The following SDK2 variants were observed in gnomAD, a reference collection of about 807,000 sequenced individuals.
SDK2 encodes sidekick cell adhesion molecule 2, also known as protein sidekick-2.
SDK2 carries 105 observed loss-of-function variants against 253.9 expected under a neutral mutation model. The ratio of observed to expected loss-of-function variants is 0.41; its 90% CI spans 0.35 to 0.49. The LOEUF is 0.49. Ranked by LOEUF, SDK2 falls within the 20% of genes least tolerant of loss-of-function variation. The probability of loss-of-function intolerance (pLI) is 0.06; values close to 1 mark genes in which losing one functional copy is unlikely to be tolerated. For synonymous variants in SDK2, 1,249 were observed against 1,234.9 expected (o/e 1.01, Z -0.24); for missense variants, 2,608 against 3,003.0 (o/e 0.87, Z 3.07).
At chr17:73,376,035 AAC>A (rs2062777620) in intron 36 of SDK2, among the ~76,000 whole-genome samples, 1 of 150,878 alleles carries the variant, frequency 6.6e-6, no homozygotes, top group Non-Finnish European at 1.5e-5. Flanking sequence ...CTCTACTAAA[AAC>A]ACAAAAATTA....
At position 73,643,935 on chromosome 17, in the gene SDK2, G is replaced by T; in HGVS notation, c.64+90C>A. 10 of 1,165,004 alleles carry T rather than the reference G, an allele frequency of 8.6e-6. No homozygotes were observed. Among genetic ancestry groups the T allele is most frequent in the Non-Finnish European group, 1.1e-5 (9 of 804,552 alleles). The allele number at this position is 1,165,004 out of a possible 1,614,324, so 72.2% of individuals were successfully genotyped here. A position where few individuals can be genotyped will look rare whatever the true frequency, so the allele number is the denominator to read the frequency against. ...CCACGGCTAAGCCGGGTGTCCAGGA[G>T]GTCACCGTGAGGCCGGCCAGCTCCC... On this transcript the variant is annotated intron_variant, in intron 1 of 44. Transcript: ENST00000392650. This position sits in a 1 kb window ranked among gnomAD's most constrained non-coding sequence, Gnocchi z 6.9.
Position 73,398,052 on chromosome 17 carries a change from G to A in SDK2, c.3337C>T (p.Leu1113=). 2 of 1,612,578 alleles carry A rather than the reference G, an allele frequency of 1.2e-6. No homozygotes were observed. Among genetic ancestry groups the A allele is most frequent in the Non-Finnish European group, 1.7e-6 (2 of 1,179,880 alleles). Residue 1113 remains leucine, a synonymous_variant, in exon 24 of 45, where the codon CTG becomes TTG. Coordinates refer to ENST00000392650, the MANE Select transcript of SDK2 (RefSeq NM_001144952.2). ...VSLRTASETS[L]WLRWMPLPEM... ...AGCCTTACCATCCAGCGCAGCCACA[G>A]GCTGGTCTCACTGGCTGTGCGCAGA...
Position 73,338,687 on chromosome 17 carries a change from G to C in SDK2, c.6419C>G (p.Pro2140Arg), listed in dbSNP as rs139702398. ...GCTCTGCTGACTTGGGGGGTTAGGG[G>C]GGTTCTGGGGCGTTGGAGTCCGACT... ...KASRTPTPQN[P>R]PNPPSQQSTL... Residue 2140 changes from proline (P) to arginine (R), a missense_variant, in exon 45 of 45, where the codon CCC becomes CGC. Physicochemically the swap from Pro to Arg is moderately radical, Grantham distance 103 (BLOSUM62 -2). Around this residue, in one of 2 missense-constraint regions of SDK2, gnomAD observed 1,103 missense variants for 1,143.9 expected, o/e 0.96. Transcript: ENST00000392650. The surrounding 1 kb of genome is among the most constrained non-coding windows in gnomAD (Gnocchi z 5.0). 2.9e-5 allele frequency: 47 copies of C among 1,600,806 alleles called. No individual in the cohort carries two copies. The highest frequency in any genetic ancestry group is 3.8e-5 in the Non-Finnish European group (45 of 1,173,234).
Position 73,624,623 on chromosome 17 carries a change from A to G in SDK2, c.64+19402T>C, listed in dbSNP as rs904476485. On this transcript the variant is annotated intron_variant, in intron 1 of 44. Coordinates refer to ENST00000392650, the MANE Select transcript of SDK2 (RefSeq NM_001144952.2). ...TTAATGTGCATGCCGCACCTGGGGA[A>G]TCTTAAAATGCAGATTCTGATTCAT... Among the ~76,000 whole-genome samples the G allele has an allele frequency of 6.0e-4, 92 of 152,222 alleles. 1 individual carries two copies. Among genetic ancestry groups the G allele is most frequent in the African/African-American group, 5.8e-4 (24 of 41,470 alleles).
In SDK2 at chr17:73,443,152, T is replaced by C. The variant is rs1038371259; in HGVS notation, c.614-2229A>G. ...GTTCTTTATGGGGTTAGGGGCAGGG[T>C]GCACAGTGGCCCCACTGCCCCTCTG... On this transcript the variant is annotated intron_variant, in intron 5 of 44. Transcript: ENST00000392650. The surrounding 1 kb of genome is among the most constrained non-coding windows in gnomAD (Gnocchi z 4.6). Among the ~76,000 whole-genome samples the C allele has an allele frequency of 2.0e-5, 3 of 152,112 alleles. No homozygotes were observed. The highest frequency in any genetic ancestry group is 7.2e-5 in the African/African-American group (3 of 41,412).
intron 16 of SDK2, among the ~76,000 whole-genome samples, chr17:73,416,667 G>A (rs1022612426): frequency 3.3e-5 from 5 of 152,026 alleles, no homozygotes; most frequent in Admixed American, 6.6e-5. Flanking sequence ...TTGGCTCACT[G>A]CAACCTCCAC....
chr17:73,386,622 C>A, intron 30 of SDK2, 74 bp from the exon 31 acceptor site: 1 of 1,004,782 alleles, frequency 1.0e-6, no homozygotes, highest in East Asian at 2.6e-5. Flanking sequence ...ACCAAGGAGT[C>A]TCCCTGATCT....
chr17:73,358,664 G>C (rs527829444), intron 39 of SDK2, among the ~76,000 whole-genome samples: 2 of 152,070 alleles, frequency 1.3e-5, no homozygotes, highest in Admixed American at 1.3e-4. Flanking sequence ...GAGAGGAGGG[G>C]GTTGGTCGGA....
At chr17:73,524,614 C>G (rs1450138982) in intron 1 of SDK2, among the ~76,000 whole-genome samples, 2 of 152,216 alleles carry the variant, frequency 1.3e-5, no homozygotes, top group African/African-American at 4.8e-5. Context: ...TTCCCAGGAC[C>G]CCTGTCTGCA....
chr17:73,612,121 G>C lies in SDK2; in HGVS notation c.64+31904C>G, dbSNP rs918793403. The stretch of plus-strand genomic sequence containing the variant: ...TAGTTTGCAAACGCATTGAGAACTC[G>C]TTATGAAAATAAACAGCAATTCCTT... On this transcript the variant is annotated intron_variant, in intron 1 of 44. Coordinates refer to ENST00000392650, the MANE Select transcript of SDK2 (RefSeq NM_001144952.2). This position sits in a 1 kb window ranked among gnomAD's most constrained non-coding sequence, Gnocchi z 4.4. Among the ~76,000 whole-genome samples the C allele has an allele frequency of 2.0e-5, 3 of 152,190 alleles. No individual in the cohort carries two copies. The highest frequency in any genetic ancestry group is 7.2e-5 in the African/African-American group (3 of 41,428).
intron 1 of SDK2, among the ~76,000 whole-genome samples, chr17:73,568,553 T>C (rs1157038664): frequency 6.6e-6 from 1 of 151,866 alleles, no homozygotes; most frequent in Non-Finnish European, 1.5e-5. Flanking sequence ...AATAGATCAA[T>C]AAAAAATACC....
intron 22 of SDK2, 85 bp from the exon 23 acceptor site, chr17:73,398,514 A>T (rs1248589451): frequency 1.6e-6 from 2 of 1,220,198 alleles, no homozygotes; most frequent in Non-Finnish European, 1.2e-6. Context: ...CCTGCCAGGG[A>T]AGAAGTTGGT....
rs2044865582 is a variant in SDK2, at chr17:73,541,325, C to T, written c.65-33728G>A. ...GGTGGACCAGGGCCAGAGCCAGGCT[C>T]TCCCTGCTGGTGGAGCGGATGTGGG... On this transcript the variant is annotated intron_variant, in intron 1 of 44. Coordinates refer to ENST00000392650, the MANE Select transcript of SDK2 (RefSeq NM_001144952.2). This position sits in a 1 kb window ranked among gnomAD's most constrained non-coding sequence, Gnocchi z 4.3. Among the ~76,000 whole-genome samples the T allele has an allele frequency of 6.6e-6, 1 of 152,194 alleles. No homozygotes were observed. The highest frequency in any genetic ancestry group is 1.5e-5 in the Non-Finnish European group (1 of 68,026).
chr17:73,419,537 A>G (rs945478679), intron 15 of SDK2, among the ~76,000 whole-genome samples: 8 of 152,028 alleles, frequency 5.3e-5, no homozygotes, highest in Admixed American at 2.0e-4. Context: ...TACTACATAT[A>G]TAGTCTCTGT....
intron 1 of SDK2, among the ~76,000 whole-genome samples, chr17:73,623,713 C>T (rs2046163499): frequency 6.6e-6 from 1 of 152,142 alleles, no homozygotes; most frequent in Admixed American, 6.5e-5. Flanking sequence ...CTGCACCCCA[C>T]CCCGCCCCAG....
intron 30 of SDK2, among the ~76,000 whole-genome samples, 151 bp from the exon 31 acceptor site, chr17:73,386,699 A>G (rs2145486179): frequency 6.6e-6 from 1 of 152,320 alleles, no homozygotes. Context: ...AGGCTCAGAA[A>G]GGAGCTTTGC....
chr17:73,611,475 C>T (rs866637892), intron 1 of SDK2, among the ~76,000 whole-genome samples: 6 of 152,226 alleles, frequency 3.9e-5, no homozygotes, highest in African/African-American at 1.4e-4. Context: ...TTGCTGGACG[C>T]CCAAGTCCCC....
chr17:73,472,141 A>G lies in SDK2; in HGVS notation c.302T>C (p.Leu101Pro). The G allele has an allele frequency of 6.4e-7, 1 of 1,551,642 alleles. No homozygotes were observed. The highest frequency in any genetic ancestry group is 2.0e-5 in the Admixed American group (1 of 51,004). Residue 101 changes from leucine (L) to proline (P), a missense_variant, in exon 3 of 45, where the codon CTG (leucine) becomes CCG (proline). Physicochemically the swap from Leu to Pro is moderately conservative, Grantham distance 98. Coordinates refer to ENST00000392650, the MANE Select transcript of SDK2 (RefSeq NM_001144952.2). The part of the protein sequence containing the change: ...CIVRNRMGAL[L>P]QRQTEVQVAY... ...CACCTGGACCTCGGTTTGCCGCTGC[A>G]GCAGGGCCCCCATTCGGTTCCGCAC...
At chr17:73,339,913 C>A (rs542653901) in intron 44 of SDK2, among the ~76,000 whole-genome samples, 46 of 151,918 alleles carry the variant, frequency 3.0e-4, no homozygotes, top group South Asian at 1.7e-3. Flanking sequence ...CTCTTGTTGC[C>A]CAGGCTGGAT....
Sources: allele counts gnomAD v4.1 joint callset (sites outside exome capture counted in the v4.1 genomes callset), GRCh38; gene constraint gnomAD v4.1.1; regional missense constraint gnomAD v4.1.1; non-coding constraint Gnocchi (gnomAD v3.1); transcripts MANE v1.5; gene names NCBI Gene and HGNC (gene_info 2026-07-23, HGNC 2026-07-21).